The following ZNF248 variants were observed in gnomAD, a reference collection of about 807,000 sequenced individuals.
ZNF248 encodes the protein zinc finger protein 248.
In ZNF248, 20 loss-of-function variants were observed where a neutral mutation model predicts 44.3. That is an observed-to-expected ratio of 0.45 (90% CI 0.32 to 0.66). ZNF248 has a LOEUF of 0.66. Among genes scored for constraint, ZNF248 ranks in the 30% least tolerant of loss-of-function variants. The probability of loss-of-function intolerance (pLI) is 0.04; values close to 1 mark genes in which losing one functional copy is unlikely to be tolerated. For missense variants in ZNF248, 654 were observed against 677.0 expected (o/e 0.97, Z 0.38); for synonymous variants, 224 against 229.0 (o/e 0.98, Z 0.20).
intron 6 of ZNF248, chr10:37,819,272 TTTCC>T: frequency 1.1e-6 from 1 of 915,338 alleles, no homozygotes; most frequent in East Asian, 2.4e-5. Flanking sequence ...GTTTAGATCA[TTTCC>T]CTCACAGTAT....
intron 6 of ZNF248, among the ~76,000 whole-genome samples, chr10:37,809,271 TTTTA>T (rs544252752): frequency 2.4e-3 from 301 of 125,490 alleles, no homozygotes; most frequent in African/African-American, 8.8e-3. Flanking sequence ...GCTTAGTTCT[TTTTA>T]TTTATTGTTT....
chr10:37,811,438 A>C (rs1423098658), intron 6 of ZNF248, among the ~76,000 whole-genome samples: 2 of 151,948 alleles, frequency 1.3e-5, no homozygotes, highest in Non-Finnish European at 2.9e-5. Flanking sequence ...AAAAATAAAT[A>C]AATAAATAAA....
At chr10:37,838,823 T>G (rs1445657943) in intron 3 of ZNF248, among the ~76,000 whole-genome samples, 1 of 152,006 alleles carries the variant, frequency 6.6e-6, no homozygotes, top group African/African-American at 2.4e-5. Flanking sequence ...TGAATTATAA[T>G]TAATATGTTC....
chr10:37,765,365 C>T, the ZNF248 span, among the ~76,000 whole-genome samples: 2 of 152,136 alleles, frequency 1.3e-5, no homozygotes, highest in African/African-American at 2.4e-5. Flanking sequence ...TATTTGATGA[C>T]TCACCCTACA....
chr10:37,849,651 C>T (rs1446853612), intron 3 of ZNF248, among the ~76,000 whole-genome samples: 3 of 151,632 alleles, frequency 2.0e-5, no homozygotes, highest in African/African-American at 4.8e-5. Context: ...CACACCACTG[C>T]ACTCTAGCCT....
At chr10:37,775,967 G>A (rs149327477), downstream of ZNF248, among the ~76,000 whole-genome samples, 5 of 152,274 alleles carry the variant, frequency 3.3e-5, no homozygotes, top group East Asian at 9.6e-4. Context: ...GTCTGGACAG[G>A]TTACTTATAC....
At chr10:37,846,556 G>A (rs1371721794) in intron 3 of ZNF248, among the ~76,000 whole-genome samples, 1 of 152,154 alleles carries the variant, frequency 6.6e-6, no homozygotes, top group African/African-American at 2.4e-5. Context: ...TAAGGCAGGA[G>A]GATCACTTGA....
the ZNF248 span, among the ~76,000 whole-genome samples, chr10:37,759,963 C>T: frequency 1.3e-5 from 2 of 152,118 alleles, no homozygotes; most frequent in African/African-American, 4.8e-5. Flanking sequence ...GGAGCTGACC[C>T]CAAGCCAGTT....
chr10:37,762,594 A>G, the ZNF248 span, among the ~76,000 whole-genome samples: 3 of 152,346 alleles, frequency 2.0e-5, no homozygotes, highest in East Asian at 3.9e-4. Flanking sequence ...AGTGACAGAA[A>G]TAAGTATGTG....
At chr10:37,837,851 G>A (rs1234159577) in intron 4 of ZNF248, 134 bp downstream of exon 4, 11 of 1,378,562 alleles carry the variant, frequency 8.0e-6, no homozygotes, top group Non-Finnish European at 1.1e-5. Context: ...GACAAGGCAA[G>A]AGCACCTTTA....
At chr10:37,792,849 G>A (rs190725150) in intron 6 of ZNF248, among the ~76,000 whole-genome samples, 7 of 152,176 alleles carry the variant, frequency 4.6e-5, no homozygotes, top group Non-Finnish European at 1.0e-4. Flanking sequence ...ATCCTAGACT[G>A]GATGCCAGTC....
intron 6 of ZNF248, among the ~76,000 whole-genome samples, chr10:37,802,602 T>C (rs945495486): frequency 6.6e-6 from 1 of 152,088 alleles, no homozygotes; most frequent in Non-Finnish European, 1.5e-5. Context: ...AACTGCGCAG[T>C]CATTAAAACA....
chr10:37,771,775 A>C (rs551456174), downstream of ZNF248, among the ~76,000 whole-genome samples: 4 of 152,230 alleles, frequency 2.6e-5, no homozygotes, highest in South Asian at 6.2e-4. Context: ...AAAGTATAAT[A>C]ATAATAAAAT....
chr10:37,799,253 A>T (rs1406573342), intron 6 of ZNF248, among the ~76,000 whole-genome samples: 2 of 152,162 alleles, frequency 1.3e-5, no homozygotes, highest in Non-Finnish European at 2.9e-5. Flanking sequence ...AAAAATGTAC[A>T]ATTTTAAAAT....
At chr10:37,819,463 T>C in intron 6 of ZNF248, 1 of 1,568,214 alleles carries the variant, frequency 6.4e-7, no homozygotes, top group Non-Finnish European at 8.8e-7. Context: ...CAGCTACGTA[T>C]CTTTGCTCTA....
At chr10:37,846,752 A>G (rs552539970) in intron 3 of ZNF248, among the ~76,000 whole-genome samples, 67 of 152,368 alleles carry the variant, frequency 4.4e-4, no homozygotes, top group African/African-American at 1.5e-3. Flanking sequence ...ATAAGCATCA[A>G]TCAGGATTAA....
intron 6 of ZNF248, among the ~76,000 whole-genome samples, chr10:37,799,062 C>T (rs1409211081): frequency 3.3e-5 from 5 of 152,006 alleles, no homozygotes; most frequent in Admixed American, 1.3e-4. Context: ...TACATGCTAA[C>T]ATTTTAGGTC....
chr10:37,852,329 C>T (rs1442559073), intron 3 of ZNF248, among the ~76,000 whole-genome samples: 1 of 151,992 alleles, frequency 6.6e-6, no homozygotes, highest in Non-Finnish European at 1.5e-5. Flanking sequence ...ACATATACAA[C>T]CCGGATGAAA....
rs1284324955 is a variant in ZNF248 at position 37,779,274 on chromosome 10, T to C, written c.331-2699A>G. On this transcript the variant is annotated intron_variant, in intron 6 of 6. Transcript: ENST00000615949. ...GATGCTAAAATCCTCAATAAAATACTGGCAAACCGAATCCAGCAACACATC... is the reference window on the plus strand; with the variant it reads ...GATGCTAAAATCCTCAATAAAATACCGGCAAACCGAATCCAGCAACACATC... Among the ~76,000 whole-genome samples the C allele has an allele frequency of 2.0e-5, 3 of 152,294 alleles. No individual in the cohort carries two copies. In the East Asian group the frequency reaches 5.8e-4, roughly 29 times the overall value.
Sources: allele counts gnomAD v4.1 joint callset (sites outside exome capture counted in the v4.1 genomes callset), GRCh38; gene constraint gnomAD v4.1.1; transcripts MANE v1.5; gene names NCBI Gene and HGNC (gene_info 2026-07-23, HGNC 2026-07-21).